The following UNC80 variants were observed in gnomAD, a reference collection of about 807,000 sequenced individuals.
UNC80 encodes unc-80 subunit of NALCN channel complex.
In UNC80, 164 loss-of-function variants were observed where a neutral mutation model predicts 384.6. The ratio of observed to expected loss-of-function variants is 0.43; its 90% CI spans 0.38 to 0.49. UNC80 has a LOEUF of 0.49. Ranked by LOEUF, UNC80 falls within the 20% of genes least tolerant of loss-of-function variation. The probability of loss-of-function intolerance (pLI) is 0.00; values close to 1 mark genes in which losing one functional copy is unlikely to be tolerated. For synonymous variants in UNC80, 1,486 were observed against 1,527.8 expected (o/e 0.97, Z 0.64); for missense variants, 3,330 against 4,143.0 (o/e 0.80, Z 5.39).
chr2:209,894,533 G>A (rs1278862202), intron 27 of UNC80, among the ~76,000 whole-genome samples, 167 bp downstream of exon 27: 1 of 152,146 alleles, frequency 6.6e-6, no homozygotes, highest in East Asian at 1.9e-4. Context: ...GTAGAGCAAG[G>A]CAGCTCAAGC....
chr2:209,904,057 G>A (rs2087873639), intron 28 of UNC80, among the ~76,000 whole-genome samples: 2 of 152,140 alleles, frequency 1.3e-5, no homozygotes, highest in Non-Finnish European at 2.9e-5. Flanking sequence ...AGTTCCAAAT[G>A]CAAGGGCCTT....
chr2:209,966,583 A>G (rs1383258080), intron 51 of UNC80, among the ~76,000 whole-genome samples: 1 of 152,218 alleles, frequency 6.6e-6, no homozygotes, highest in Non-Finnish European at 1.5e-5. Flanking sequence ...TAACTATTAC[A>G]TTTACTAGAA....
intron 14 of UNC80, among the ~76,000 whole-genome samples, chr2:209,826,295 T>C (rs2080513488): frequency 6.6e-6 from 1 of 152,212 alleles, no homozygotes; most frequent in Admixed American, 6.5e-5. Flanking sequence ...CAACTCCCAA[T>C]TAGTGAAAAT....
rs578158554 is a variant in UNC80, at chr2:209,979,214, A to G, written c.9118+506A>G. On this transcript the variant is annotated intron_variant, in intron 59 of 64. Coordinates refer to ENST00000673920, the MANE Select transcript of UNC80 (RefSeq NM_001371986.1). Reference sequence around the variant, plus strand: ...CAGTGAGCCAAGATCGCGCCAATGCACTCCAGCCTGGGCAACAGAGCGAGC... The same window carrying G: ...CAGTGAGCCAAGATCGCGCCAATGCGCTCCAGCCTGGGCAACAGAGCGAGC... 7.9e-5 allele frequency among the ~76,000 whole-genome samples: 12 copies of G among 152,258 alleles called. No individual in the cohort carries two copies. The South Asian group carries it at 2.1e-3, about 26-fold the overall frequency.
intron 11 of UNC80, among the ~76,000 whole-genome samples, chr2:209,818,774 A>G (rs2079927131): frequency 6.6e-6 from 1 of 152,242 alleles, no homozygotes; most frequent in African/African-American, 2.4e-5. Flanking sequence ...GCCAGTTATA[A>G]TTCACATTTT....
Position 209,967,558 on chromosome 2 carries a change from G to A in UNC80, c.7927G>A (p.Ala2643Thr). ...ACCCATTACTGACTGGACAGCTGAG[G>A]CAGTGAGGCCGGCCCTCATCCTCAT... The part of the protein sequence containing the change: ...MLPITDWTAE[A>T]VRPALILILK... The change falls in exon 52 of 65, where the codon GCA becomes ACA. Residue 2643 changes from alanine to threonine, a missense_variant. Coordinates refer to ENST00000673920, the MANE Select transcript of UNC80 (RefSeq NM_001371986.1). The A allele has an allele frequency of 6.4e-7, 1 of 1,551,634 alleles. No individual in the cohort carries two copies. Among genetic ancestry groups the A allele is most frequent in the Non-Finnish European group, 8.7e-7 (1 of 1,146,978 alleles).
intron 21 of UNC80, among the ~76,000 whole-genome samples, chr2:209,847,745 C>T (rs921564263): frequency 2.6e-5 from 4 of 152,016 alleles, no homozygotes; most frequent in Admixed American, 1.3e-4. Context: ...CTTCATGCTT[C>T]CTTAAATAAA....
chr2:209,898,585 T>C (rs1038505706), intron 28 of UNC80, among the ~76,000 whole-genome samples: 1 of 152,170 alleles, frequency 6.6e-6, no homozygotes, highest in African/African-American at 2.4e-5. Flanking sequence ...AAGAATGGTG[T>C]ATCCATCTCC....
intron 29 of UNC80, among the ~76,000 whole-genome samples, chr2:209,905,538 C>A (rs1362265510): frequency 6.6e-6 from 1 of 152,136 alleles, no homozygotes; most frequent in Non-Finnish European, 1.5e-5. Context: ...TCTCCTAGAG[C>A]CTTCAGAAGC....
intron 37 of UNC80, among the ~76,000 whole-genome samples, chr2:209,930,291 T>C (rs2090753140): frequency 6.6e-6 from 1 of 152,134 alleles, no homozygotes; most frequent in Admixed American, 6.6e-5. Flanking sequence ...CTGATGCAGG[T>C]ATGATTATTA....
chr2:209,886,184 G>T (rs1422468606), intron 25 of UNC80, among the ~76,000 whole-genome samples: 1 of 149,988 alleles, frequency 6.7e-6, no homozygotes, highest in Non-Finnish European at 1.5e-5. Flanking sequence ...TGAATCTAAG[G>T]GTTTATTATG....
rs1014177649 is a variant in UNC80 at position 209,771,836 on chromosome 2, C to A, written c.-237C>A. Among the ~76,000 whole-genome samples the A allele has an allele frequency of 6.6e-6, 1 of 152,112 alleles. No homozygotes were observed. Among genetic ancestry groups the A allele is most frequent in the Non-Finnish European group, 1.5e-5 (1 of 68,022 alleles). On this transcript the variant is annotated 5_prime_UTR_variant, in exon 1 of 65. Transcript: ENST00000673920. ...GGGGCGGCGAGGCGGACCGCTGCTC[C>A]GAGCGCCCCCCTCCTCGCTCCGCGG...
intron 13 of UNC80, among the ~76,000 whole-genome samples, chr2:209,822,145 G>A (rs1036786301): frequency 6.6e-5 from 10 of 151,926 alleles, no homozygotes; most frequent in African/African-American, 9.7e-5. Context: ...TCCTTGCTCC[G>A]ATAATCTTGG....
intron 15 of UNC80, among the ~76,000 whole-genome samples, chr2:209,830,566 G>A (rs528519915): frequency 7.9e-5 from 12 of 152,156 alleles, no homozygotes; most frequent in African/African-American, 1.4e-4. Flanking sequence ...TTCCTCCTGC[G>A]TTGCTTGAGA....
intron 18 of UNC80, among the ~76,000 whole-genome samples, chr2:209,835,275 T>C (rs1200179873): frequency 1.3e-5 from 2 of 152,204 alleles, no homozygotes; most frequent in Non-Finnish European, 2.9e-5. Context: ...CTACTGAAGA[T>C]ACACCTTGAA....
At chr2:209,794,330 T>G (rs752178616) in intron 7 of UNC80, among the ~76,000 whole-genome samples, 8 of 152,174 alleles carry the variant, frequency 5.3e-5, no homozygotes, top group Non-Finnish European at 1.5e-5. Context: ...ATAAACACCT[T>G]CTCCAGAAAC....
chr2:209,955,262 A>G (rs1206288209), intron 48 of UNC80, among the ~76,000 whole-genome samples: 2 of 152,108 alleles, frequency 1.3e-5, no homozygotes, highest in African/African-American at 4.8e-5. Context: ...CTGTGCTGGT[A>G]AGGGGGAAGC....
At chr2:209,835,989 T>TC (rs2081311536) in intron 18 of UNC80, among the ~76,000 whole-genome samples, 1 of 152,218 alleles carries the variant, frequency 6.6e-6, no homozygotes, top group Admixed American at 6.5e-5. Flanking sequence ...TTCAAGTAGA[T>TC]CAATTCCATG....
intron 38 of UNC80, among the ~76,000 whole-genome samples, chr2:209,933,490 CT>C (rs1309848858): frequency 2.3e-5 from 3 of 133,042 alleles, no homozygotes; most frequent in African/African-American, 5.7e-5. Flanking sequence ...GCAAATAGTG[CT>C]TGGACAAACT....
Sources: allele counts gnomAD v4.1 joint callset (sites outside exome capture counted in the v4.1 genomes callset), GRCh38; gene constraint gnomAD v4.1.1; transcripts MANE v1.5; gene names NCBI Gene and HGNC (gene_info 2026-07-23, HGNC 2026-07-21).